DIP2B: variants seen among roughly 807,000 people sequenced by gnomAD.
DIP2B encodes the protein disco-interacting protein 2 homolog B.
DIP2B carries 76 observed loss-of-function variants against 198.0 expected under a neutral mutation model. That is an observed-to-expected ratio of 0.38 (90% CI 0.32 to 0.46). The LOEUF is 0.46. DIP2B is among the 20% of genes least tolerant of loss of function. The pLI is 0.99. For synonymous variants in DIP2B, 701 were observed against 739.1 expected, an observed-to-expected ratio of 0.95 and a Z score of 0.84; for missense variants, 1,559 against 1,978.4, an observed-to-expected ratio of 0.79 and a Z score of 4.02.
At chr12:50,523,916 A>G (rs1319290550) in intron 1 of DIP2B, among the ~76,000 whole-genome samples, 1 of 152,208 alleles carries the variant, frequency 6.6e-6, no homozygotes, top group Admixed American at 6.5e-5. Context: ...GGAGGAGTAC[A>G]CTGGAGCTAG....
At chr12:50,563,687 G>A (rs1958539690) in intron 1 of DIP2B, among the ~76,000 whole-genome samples, 1 of 151,608 alleles carries the variant, frequency 6.6e-6, no homozygotes. Flanking sequence ...ATGGGTATGG[G>A]GTGTCACTAT....
At chr12:50,516,285 T>C (rs1036046192) in intron 1 of DIP2B, among the ~76,000 whole-genome samples, 1 of 150,364 alleles carries the variant, frequency 6.7e-6, no homozygotes, top group Non-Finnish European at 1.5e-5. Context: ...CGAGAGAGTC[T>C]TGCTCGTCAC....
intron 1 of DIP2B, among the ~76,000 whole-genome samples, chr12:50,533,947 C>T (rs752025849): frequency 1.4e-4 from 21 of 151,944 alleles, no homozygotes; most frequent in Non-Finnish European, 2.6e-4. Context: ...AACTTTTTTC[C>T]CCCCTGTGAC....
chr12:50,552,978 G>C (rs1958439922), intron 1 of DIP2B, among the ~76,000 whole-genome samples: 1 of 152,068 alleles, frequency 6.6e-6, no homozygotes, highest in Non-Finnish European at 1.5e-5. Context: ...TGGGACTACA[G>C]GTGTGCGCCA....
At chr12:50,574,719 GGTACTTCGTTC>G (rs1462242798) in intron 1 of DIP2B, among the ~76,000 whole-genome samples, 1 of 152,218 alleles carries the variant, frequency 6.6e-6, no homozygotes, top group African/African-American at 2.4e-5. Context: ...GTTCCCATCT[GGTACTTCGTTC>G]CCTCTTCCAT....
intron 22 of DIP2B, among the ~76,000 whole-genome samples, chr12:50,709,324 A>G (rs1367463928): frequency 6.6e-6 from 1 of 152,154 alleles, no homozygotes. Flanking sequence ...CTTTACCAAA[A>G]GTTTTTTTCT....
chr12:50,661,664 A>G (rs1938650203), intron 4 of DIP2B, among the ~76,000 whole-genome samples: 2 of 152,206 alleles, frequency 1.3e-5, no homozygotes, highest in African/African-American at 4.8e-5. Flanking sequence ...TTTCCCTTCC[A>G]CATTAGTACA....
In DIP2B at chr12:50,710,959, T is replaced by TA. The variant is rs1160873509; in HGVS notation, c.2649+2398dup. On this transcript the variant is annotated intron_variant, in intron 22 of 37. Coordinates refer to ENST00000301180, the MANE Select transcript of DIP2B (RefSeq NM_173602.3). ...CAATCATATTTTCAGTCAGAAACCT[T>TA]ATTTTGTTCAGAATGAACTTTGGGG... Among the ~76,000 whole-genome samples, 8 of 152,316 alleles carry TA rather than the reference T, an allele frequency of 5.3e-5. No homozygotes were observed. The South Asian group carries it at 1.2e-3, about 24-fold the overall frequency.
At chr12:50,733,251 T>C (rs112766368) in intron 32 of DIP2B, among the ~76,000 whole-genome samples, 2 of 50,374 alleles carry the variant, frequency 4.0e-5, no homozygotes, top group Non-Finnish European at 8.1e-5. Flanking sequence ...ATTTTTTTTC[T>C]TTCTTTTTTT....
intron 1 of DIP2B, among the ~76,000 whole-genome samples, chr12:50,572,942 T>C (rs1338132464): frequency 3.3e-5 from 5 of 152,184 alleles, no homozygotes; most frequent in Non-Finnish European, 7.4e-5. Context: ...AGTTGGAGAA[T>C]ATGCCCAGTG....
At chr12:50,590,746 A>ATT (rs1421367697) in intron 1 of DIP2B, among the ~76,000 whole-genome samples, 1 of 152,214 alleles carries the variant, frequency 6.6e-6, no homozygotes, top group Non-Finnish European at 1.5e-5. Context: ...AGCATGTTTA[A>ATT]AAACAAACAA....
At chr12:50,647,770 G>A (rs1414437264) in intron 3 of DIP2B, among the ~76,000 whole-genome samples, 1 of 152,170 alleles carries the variant, frequency 6.6e-6, no homozygotes, top group African/African-American at 2.4e-5. Flanking sequence ...TAAAGCCCAG[G>A]TGTGCCACTC....
Position 50,699,205 on chromosome 12 carries a change from A to G in DIP2B, c.2325+3A>G. ...GTGTGACAAAAAATACATTTGAGGT[A>G]CATGATATTAACATTTCACAGGGAA... On this transcript the variant is annotated splice_donor_region_variant and intron_variant, in intron 19 of 37. Coordinates refer to ENST00000301180, the MANE Select transcript of DIP2B (RefSeq NM_173602.3). The G allele has an allele frequency of 6.2e-7, 1 of 1,614,044 alleles. No individual in the cohort carries two copies. The highest frequency in any genetic ancestry group is 8.5e-7 in the Non-Finnish European group (1 of 1,179,990).
At chr12:50,565,140 C>G (rs1203918491) in intron 1 of DIP2B, among the ~76,000 whole-genome samples, 1 of 151,950 alleles carries the variant, frequency 6.6e-6, no homozygotes, top group Non-Finnish European at 1.5e-5. Flanking sequence ...GTAGCTGGGA[C>G]TAAAGGCATG....
At chr12:50,626,380 T>G (rs761672568) in intron 2 of DIP2B, among the ~76,000 whole-genome samples, 2 of 152,184 alleles carry the variant, frequency 1.3e-5, no homozygotes, top group Non-Finnish European at 2.9e-5. Flanking sequence ...CAAACCGTGA[T>G]GAAGAAGAGC....
rs531956682 is a variant in DIP2B at position 50,746,095 on chromosome 12, C to T, written c.*1256C>T. On this transcript the variant is annotated 3_prime_UTR_variant, in exon 38 of 38. Transcript: ENST00000301180. ...GGGGAAGTCTGACATATGCAGGAAA[C>T]TCTTTTGAAATAACTTTGGTGCCCA... The T allele has an allele frequency of 2.0e-5, 3 of 152,348 alleles. No homozygotes were observed. In the South Asian group the frequency reaches 6.2e-4, roughly 32 times the overall value. The allele number at this position is 152,348 out of a possible 1,614,324, so 9.4% of individuals were successfully genotyped here. A position where few individuals can be genotyped will look rare whatever the true frequency, so the allele number is the denominator to read the frequency against.
At position 50,521,891 on chromosome 12, in the gene DIP2B, C is replaced by T. The variant is rs117036709; in HGVS notation, c.100+16651C>T. ...ACTCCTGGGCTCAAGGATTCACCTG[C>T]CTTGGCCTCCCAGAGTGTTGAGATT... On this transcript the variant is annotated intron_variant, in intron 1 of 37. Transcript: ENST00000301180. Among the ~76,000 whole-genome samples the T allele has an allele frequency of 6.5e-3, 994 of 152,180 alleles. 24 individuals carry two copies. Among genetic ancestry groups the T allele is most frequent in the East Asian group, 0.057 (297 of 5,188 alleles).
At chr12:50,543,416 A>G (rs1265819568) in intron 1 of DIP2B, among the ~76,000 whole-genome samples, 4 of 151,792 alleles carry the variant, frequency 2.6e-5, no homozygotes, top group Non-Finnish European at 1.5e-5. Context: ...CAGCCTCTCA[A>G]GTAGCTGGGG....
chr12:50,631,351 C>G (rs575306583), intron 2 of DIP2B, among the ~76,000 whole-genome samples: 1 of 152,078 alleles, frequency 6.6e-6, no homozygotes, highest in Non-Finnish European at 1.5e-5. Context: ...CTCAGCCTCC[C>G]GAGTAGCTGA....
Sources: allele counts gnomAD v4.1 joint callset (sites outside exome capture counted in the v4.1 genomes callset), GRCh38; gene constraint gnomAD v4.1.1; transcripts MANE v1.5; gene names NCBI Gene and HGNC (gene_info 2026-07-23, HGNC 2026-07-21).